ACTR3: variants seen among roughly 807,000 people sequenced by gnomAD.
The protein encoded by ACTR3 is actin-related protein 3.
A neutral mutation model predicts 56.8 loss-of-function variants in ACTR3; 12 were observed. That is an observed-to-expected ratio of 0.21 (90% CI 0.14 to 0.34). The LOEUF (loss-of-function observed/expected upper bound fraction) is 0.34. Among genes scored for constraint, ACTR3 ranks in the 10% least tolerant of loss-of-function variants. The pLI is 1.00. For synonymous variants in ACTR3, 162 were observed against 167.4 expected, an observed-to-expected ratio of 0.97 and a Z score of 0.25; for missense variants, 282 against 512.5, an observed-to-expected ratio of 0.55 and a Z score of 4.34.
At chr2:113,939,029 C>CT (rs746714658) in intron 6 of ACTR3, among the ~76,000 whole-genome samples, 10,679 of 146,070 alleles carry the variant, frequency 0.073, 408 homozygotes, top group African/African-American at 0.1. Context: ...TTCTTTCTTT[C>CT]TTTTTTTTTT....
At chr2:113,891,405 A>G (rs147811915) in intron 1 of ACTR3, among the ~76,000 whole-genome samples, 4 of 152,264 alleles carry the variant, frequency 2.6e-5, no homozygotes, top group Admixed American at 1.3e-4. Flanking sequence ...GTGGTCGTTC[A>G]TTTTGTATTA....
intron 4 of ACTR3, among the ~76,000 whole-genome samples, chr2:113,928,554 T>A (rs1009197209): frequency 5.9e-5 from 9 of 152,210 alleles, no homozygotes; most frequent in Non-Finnish European, 1.2e-4. Flanking sequence ...GCAAATATTT[T>A]TGGCTTTGCA....
At chr2:113,951,327 T>C (rs1680117147) in intron 8 of ACTR3, 152 bp from the exon 9 acceptor site, 2 of 534,248 alleles carry the variant, frequency 3.7e-6, no homozygotes, top group Admixed American at 3.2e-5. Context: ...TTTTCTCTGA[T>C]TTCAGTGTCT....
intron 8 of ACTR3, among the ~76,000 whole-genome samples, chr2:113,943,643 A>G (rs1017369141): frequency 2.6e-5 from 4 of 152,168 alleles, no homozygotes; most frequent in African/African-American, 9.7e-5. Context: ...AAATAGAATC[A>G]ACATAATCAG....
At chr2:113,916,850 A>G in intron 2 of ACTR3, 34 bp from the exon 3 acceptor site, 3 of 1,560,630 alleles carry the variant, frequency 1.9e-6, no homozygotes, top group Non-Finnish European at 2.6e-6. Context: ...TTTGAGGAAA[A>G]TGAATTCTTT....
intron 11 of ACTR3, among the ~76,000 whole-genome samples, chr2:113,956,969 A>C (rs1226276398): frequency 6.6e-6 from 1 of 152,242 alleles, no homozygotes; most frequent in South Asian, 2.1e-4. Context: ...AAAAATAGTC[A>C]TAGCATGACT....
chr2:113,907,947 C>T (rs1449309154), intron 1 of ACTR3, among the ~76,000 whole-genome samples: 3 of 140,116 alleles, frequency 2.1e-5, no homozygotes, highest in Non-Finnish European at 4.5e-5. Flanking sequence ...GCACTCCAGC[C>T]TGGGCAACAA....
At chr2:113,933,302 A>G (rs1334607859) in intron 5 of ACTR3, among the ~76,000 whole-genome samples, 1 of 152,154 alleles carries the variant, frequency 6.6e-6, no homozygotes, top group Non-Finnish European at 1.5e-5. Flanking sequence ...CAAGGTCAGG[A>G]GTTCAAGATC....
At chr2:113,949,088 T>C (rs1680072259) in intron 8 of ACTR3, among the ~76,000 whole-genome samples, 1 of 151,420 alleles carries the variant, frequency 6.6e-6, no homozygotes, top group Admixed American at 6.6e-5. Context: ...TCTTAAAAAC[T>C]GGAAAAAGGC....
At chr2:113,935,527 C>G (rs754637297) in intron 6 of ACTR3, among the ~76,000 whole-genome samples, 1 of 152,110 alleles carries the variant, frequency 6.6e-6, no homozygotes, top group Admixed American at 6.5e-5. Flanking sequence ...TGTTTTAGCA[C>G]GTATAGTATT....
chr2:113,954,542 A>AATTT (rs1436720746), intron 10 of ACTR3: 1 of 151,422 alleles, frequency 6.6e-6, no homozygotes, highest in Non-Finnish European at 1.5e-5. Context: ...GTAATATCAT[A>AATTT]ATATCAGTAA....
At chr2:113,915,790 A>G (rs1179727996) in intron 2 of ACTR3, among the ~76,000 whole-genome samples, 6 of 152,190 alleles carry the variant, frequency 3.9e-5, no homozygotes, top group African/African-American at 1.4e-4. Flanking sequence ...TAGTTGCAGT[A>G]TGTTAAAAAT....
At chr2:113,945,143 G>T (rs1486356873) in intron 8 of ACTR3, among the ~76,000 whole-genome samples, 1 of 152,182 alleles carries the variant, frequency 6.6e-6, no homozygotes, top group East Asian at 1.9e-4. Context: ...GGTCAGACTA[G>T]TATACTGGAG....
At chr2:113,925,084 A>G (rs1185078967) in intron 3 of ACTR3, among the ~76,000 whole-genome samples, 1 of 151,042 alleles carries the variant, frequency 6.6e-6, no homozygotes. Flanking sequence ...TTCAGTGGAG[A>G]TGGGGCTTCA....
In ACTR3 at chr2:113,958,743, A is replaced by G. The variant is rs573571881; in HGVS notation, c.*1288A>G. The G allele has an allele frequency of 1.3e-5, 2 of 151,984 alleles. No homozygotes were observed. The highest frequency in any genetic ancestry group is 2.9e-5 in the Non-Finnish European group (2 of 67,922). The allele number at this position is 151,984 out of a possible 1,614,324, so 9.4% of individuals were successfully genotyped here. The stretch of plus-strand genomic sequence containing the variant: ...GACCTTAAAATTTTACCAGTTATTT[A>G]TAGAAAGAGAAAATGGGAAATGTTT... On this transcript the variant is annotated 3_prime_UTR_variant, in exon 12 of 12. Transcript: ENST00000263238.
chr2:113,925,693 A>T (rs1679607364), intron 3 of ACTR3, among the ~76,000 whole-genome samples: 1 of 152,248 alleles, frequency 6.6e-6, no homozygotes, highest in Non-Finnish European at 1.5e-5. Flanking sequence ...AATGTTAAAA[A>T]TTGAATGATA....
At position 113,960,505 on chromosome 2, in the gene ACTR3, A is replaced by G. The variant is rs918410479; in HGVS notation, c.*3050A>G. On this transcript the variant is annotated 3_prime_UTR_variant, in exon 12 of 12. Coordinates refer to ENST00000263238, the MANE Select transcript of ACTR3 (RefSeq NM_005721.5). ...CAGAAAAGTACTAGAGAATATATCTATAGAAACTTCTTTCAGATAACCCTA... is the reference window on the plus strand; with the variant it reads ...CAGAAAAGTACTAGAGAATATATCTGTAGAAACTTCTTTCAGATAACCCTA... The G allele has an allele frequency of 1.3e-5, 2 of 152,080 alleles. No homozygotes were observed. The highest frequency in any genetic ancestry group is 2.4e-5 in the African/African-American group (1 of 41,450). 9.4% of individuals were successfully genotyped at this position (152,080 alleles called of 1,614,324 possible).
chr2:113,914,340 C>T (rs79778803), intron 2 of ACTR3, among the ~76,000 whole-genome samples: 6,903 of 152,170 alleles, frequency 0.045, 508 homozygotes, highest in African/African-American at 0.16. Flanking sequence ...TGGCCGGGAT[C>T]GGTGGCTCAC....
At chr2:113,929,130 G>GTT (rs58347794) in intron 4 of ACTR3, among the ~76,000 whole-genome samples, 33 of 147,696 alleles carry the variant, frequency 2.2e-4, no homozygotes, top group East Asian at 2.0e-3. Context: ...GGCTATTTTT[G>GTT]TTTTTTTTTT....
Sources: gnomAD v4.1 joint callset for allele counts (sites outside exome capture counted in the v4.1 genomes callset) on GRCh38, gnomAD v4.1.1 for gene constraint, MANE v1.5 for transcripts, NCBI Gene and HGNC (gene_info 2026-07-23, HGNC 2026-07-21) for gene names.